The following TTN variants were observed in gnomAD, a reference collection of about 807,000 sequenced individuals.
TTN encodes connectin.
A neutral mutation model predicts 3,223.0 loss-of-function variants in TTN; 1,525 were observed. The observed-to-expected ratio is 0.47, with a 90% CI of 0.45 to 0.49. The LOEUF is 0.49. Ranked by LOEUF, TTN falls within the 20% of genes least tolerant of loss-of-function variation. The probability of loss-of-function intolerance (pLI) is 0.00; values close to 1 mark genes in which losing one functional copy is unlikely to be tolerated. For synonymous variants in TTN, 14,094 were observed against 15,161.0 expected (o/e 0.93, Z 5.17); for missense variants, 40,786 against 43,424.0 (o/e 0.94, Z 5.40).
chr2:178,646,107 T>C (rs1418460663), intron 216 of TTN, 77 bp from the exon 217 acceptor site: 51 of 85,282 alleles, frequency 6.0e-4, no homozygotes, highest in African/African-American at 2.6e-3. Context: ...ATAGAAATTA[T>C]ATATATATAT....
intron 346 of TTN, 82 bp downstream of exon 346, chr2:178,543,752 G>C: frequency 6.4e-7 from 1 of 1,551,884 alleles, no homozygotes; most frequent in Non-Finnish European, 8.7e-7. Flanking sequence ...TTCCTTTCTA[G>C]AGAGGTGATC....
rs1390279261 is a variant in TTN at position 178,612,467 on chromosome 2, G to A, written c.50058C>T (p.Tyr16686=). Residue 16686 remains tyrosine (Y), a synonymous_variant, in exon 266 of 363, where the codon TAC becomes TAT. Transcript: ENST00000589042. The part of the protein sequence containing the change: ...EKDGGSPITN[Y]IVEKRDVRRK... The stretch of plus-strand genomic sequence containing the variant: ...GCCTGACGTCTCTCTTTTCCACAAT[G>A]TAGTTGGTGATGGGGGACCCTCCAT... 3 of 1,612,342 alleles carry A rather than the reference G, an allele frequency of 1.9e-6. No individual in the cohort carries two copies. Among genetic ancestry groups the A allele is most frequent in the African/African-American group, 1.3e-5 (1 of 74,952 alleles).
At chr2:178,674,674 T>TG (rs1577249979) in intron 150 of TTN, among the ~76,000 whole-genome samples, 1 of 151,474 alleles carries the variant, frequency 6.6e-6, no homozygotes, top group Admixed American at 6.6e-5. Context: ...AACAGCCACT[T>TG]GGGGTAGAAA....
rs1060500592 is a variant in TTN, at chr2:178,542,473, C to T, written c.97283G>A (p.Gly32428Asp). ...CACATAACCACTCAGTGGAGCACCA[C>T]CGTCCAATTCAGGTGGTTCCCAGGA... ...TISWEPPELD[G>D]GAPLSGYVVE... The change falls in exon 349 of 363, where the codon GGT (glycine) becomes GAT (aspartate). Residue 32428 changes from glycine (G) to aspartate (D), a missense_variant. Coordinates refer to ENST00000589042, the MANE Select transcript of TTN (RefSeq NM_001267550.2). The T allele has an allele frequency of 2.5e-6, 4 of 1,613,518 alleles. No individual in the cohort carries two copies. The highest frequency in any genetic ancestry group is 3.4e-6 in the Non-Finnish European group (4 of 1,179,614).
In TTN at chr2:178,728,176, T is replaced by C. The variant is rs1333479032; in HGVS notation, c.19648A>G (p.Asn6550Asp). 3.7e-6 allele frequency: 6 copies of C among 1,611,956 alleles called. No individual in the cohort carries two copies. The highest frequency in any genetic ancestry group is 5.1e-6 in the Non-Finnish European group (6 of 1,178,830). Reference protein sequence around the residue: ...VNNLELEDTANYTCKVSNVAG... With the variant: ...VNNLELEDTADYTCKVSNVAG... ...ACATTTGACACTTTGCATGTGTAAT[T>C]TGCAGTATCTTCTAATTCCAGATTA... The change falls in exon 67 of 363, where the codon AAT becomes GAT. Residue 6550 changes from asparagine to aspartate, a missense_variant. Transcript: ENST00000589042.
In TTN at chr2:178,581,544, C is replaced by T; in HGVS notation, c.66724G>A (p.Asp22242Asn). The T allele has an allele frequency of 6.2e-7, 1 of 1,610,706 alleles. No homozygotes were observed. The highest frequency in any genetic ancestry group is 8.5e-7 in the Non-Finnish European group (1 of 1,177,728). Residue 22242 changes from aspartate (D) to asparagine (N), a missense_variant, in exon 316 of 363, where the codon GAC becomes AAC. Physicochemically the swap from Asp to Asn is conservative, Grantham distance 23 (BLOSUM62 1). Transcript: ENST00000589042. ...TGTTTATCTGGCACATCACTGGGGT[C>T]ACTGTATCCAATCTTATTAACGGCA... is the stretch of plus-strand genomic sequence containing the variant. ...VYAVNKIGYS[D>N]PSDVPDKHYP...
chr2:178,605,847 T>G (rs1329690045), intron 278 of TTN, 134 bp from the exon 279 acceptor site: 1 of 826,412 alleles, frequency 1.2e-6, no homozygotes, highest in Non-Finnish European at 1.6e-6. Flanking sequence ...TTAAAATCAT[T>G]CCTAAAACTT....
In TTN at chr2:178,617,347, AG is replaced by A; in HGVS notation, c.47737del (p.Val15914SerfsTer4). ...KDNWIRCNMK[L>X]VPELTYKVTG... Reference sequence around the variant, plus strand: ...TACCTTGTAAGTCAGTTCAGGGACAAGTTTCATATTGCAACGAATCCAATTA... The same window carrying A: ...TACCTTGTAAGTCAGTTCAGGGACAATTTCATATTGCAACGAATCCAATTA... On this transcript the variant is annotated frameshift_variant, in exon 254 of 363. Transcript: ENST00000589042. LOFTEE classifies it high-confidence loss of function. 1 of 1,581,428 alleles carries A rather than the reference AG, an allele frequency of 6.3e-7. No individual in the cohort carries two copies. The highest frequency in any genetic ancestry group is 2.3e-5 in the East Asian group (1 of 44,016).
At chr2:178,694,701 T>G in intron 116 of TTN, 25 bp from the exon 117 acceptor site, 2 of 1,531,718 alleles carry the variant, frequency 1.3e-6, no homozygotes, top group African/African-American at 1.4e-5. Context: ...ACAAATATAT[T>G]TGTATTTTGA....
chr2:178,574,745 T>A lies in TTN; in HGVS notation c.71387A>T (p.Glu23796Val). ...YKATRLTTGL[E>V]YQFRVKAQNR... ...CTGAGCTTTTACACGGAACTGATAC[T>A]CTAATCCAGTAGTAAGGCGGGTGGC... The change falls in exon 326 of 363, where the codon GAG becomes GTG. Residue 23796 changes from glutamate to valine, a missense_variant. Glu to Val is a moderately radical substitution (Grantham distance 121). Transcript: ENST00000589042. The A allele has an allele frequency of 6.2e-7, 1 of 1,612,898 alleles. No homozygotes were observed. The highest frequency in any genetic ancestry group is 8.5e-7 in the Non-Finnish European group (1 of 1,179,308).
Position 178,715,667 on chromosome 2 carries a change from A to G in TTN, c.25747T>C (p.Trp8583Arg). 3 of 1,612,982 alleles carry G rather than the reference A, an allele frequency of 1.9e-6. No individual in the cohort carries two copies. Among genetic ancestry groups the G allele is most frequent in the Non-Finnish European group, 2.5e-6 (3 of 1,179,406 alleles). The change falls in exon 89 of 363, where the codon TGG becomes CGG. Residue 8583 changes from tryptophan to arginine, a missense_variant. By Grantham distance (101) the Trp-to-Arg change is moderately radical (BLOSUM62 -3). Coordinates refer to ENST00000589042, the MANE Select transcript of TTN (RefSeq NM_001267550.2). ...TGAATTTCAGTCTCGTCCTTATACC[A>G]TAAAACTTTGATTTCTGGAGACCCA... ...IGGSPEIKVL[W>R]YKDETEIQES...
At chr2:178,709,492 A>T in intron 99 of TTN, 74 bp downstream of exon 99, 2 of 1,459,714 alleles carry the variant, frequency 1.4e-6, no homozygotes, top group Non-Finnish European at 1.8e-6. Context: ...TCAAGATATC[A>T]TAAGAAATGC....
chr2:178,561,963 C>T lies in TTN; in HGVS notation c.84169G>A (p.Gly28057Arg), dbSNP rs1219669291. 2 of 1,613,058 alleles carry T rather than the reference C, an allele frequency of 1.2e-6. No homozygotes were observed. Among genetic ancestry groups the T allele is most frequent in the South Asian group, 2.2e-5 (2 of 91,068 alleles). ...TCAATACGTATAGGACCTGGAGGTC[C>T]TGGTCTGTCAAGGACAATTATAGTA... Reference protein sequence around the residue: ...PITIIVLDRPGPPGPIRIDEV... With the variant: ...PITIIVLDRPRPPGPIRIDEV... Residue 28057 changes from glycine to arginine, a missense_variant, in exon 326 of 363, where the codon GGA becomes AGA. Physicochemically the swap from Gly to Arg is moderately radical, Grantham distance 125. Coordinates refer to ENST00000589042, the MANE Select transcript of TTN (RefSeq NM_001267550.2).
At position 178,553,947 on chromosome 2, in the gene TTN, G is replaced by A; in HGVS notation, c.89164C>T (p.Pro29722Ser). ...TCAGCAGCTTTGTAGAATTCAGATG[G>A]TTCAGAAAATGGACCCTGTCCAGCA... ...NAAGQGPFSE[P>S]SEFYKAADPI... The change falls in exon 333 of 363, where the codon CCA becomes TCA. Residue 29722 changes from proline to serine, a missense_variant. By Grantham distance (74) the Pro-to-Ser change is moderately conservative (BLOSUM62 -1). Transcript: ENST00000589042. 2.5e-6 allele frequency: 4 copies of A among 1,606,656 alleles called. No homozygotes were observed. The highest frequency in any genetic ancestry group is 3.4e-6 in the Non-Finnish European group (4 of 1,177,976).
rs2080448092 is a variant in TTN at position 178,731,293 on chromosome 2, T to A, written c.17461+12A>T. On this transcript the variant is annotated intron_variant, in intron 59 of 362. Transcript: ENST00000589042. ...TTCTTCCTCAAACCCAAGGCAAACG[T>A]TCTGAACCAACCTTTTACTGAGAGT... is the stretch of plus-strand genomic sequence containing the variant. 1.2e-6 allele frequency: 2 copies of A among 1,613,200 alleles called. No individual in the cohort carries two copies. Among genetic ancestry groups the A allele is most frequent in the Non-Finnish European group, 1.7e-6 (2 of 1,179,404 alleles).
In TTN at chr2:178,791,663, A is replaced by G. The variant is rs371760394; in HGVS notation, c.1662+409T>C. Among the ~76,000 whole-genome samples the G allele has an allele frequency of 7.5e-4, 111 of 147,480 alleles. 3 individuals are homozygous for G. The South Asian group carries it at 0.02, about 27-fold the overall frequency. On this transcript the variant is annotated intron_variant, in intron 10 of 362. Transcript: ENST00000589042. ...GTGTTTATGGCTGATGTATGTGTAT[A>G]TGTGTGTGTGTGTGTGTGTGTGTGT...
chr2:178,751,957 T>C, intron 47 of TTN: 1 of 1,589,794 alleles, frequency 6.3e-7, no homozygotes, highest in East Asian at 2.2e-5. Context: ...CAGCCATGGA[T>C]TTGTGGTCTA....
At position 178,775,219 on chromosome 2, in the gene TTN, G is replaced by A. The variant is rs757233090; in HGVS notation, c.6509-17C>T. On this transcript the variant is annotated splice_polypyrimidine_tract_variant and intron_variant, in intron 28 of 362. Transcript: ENST00000589042. ...ATTGCTTGGCTACAAGAAAAAGGTGGGGGAAAAAGGGGAGAGCACATTATA... is the reference window on the plus strand; with the variant it reads ...ATTGCTTGGCTACAAGAAAAAGGTGAGGGAAAAAGGGGAGAGCACATTATA... 1 of 1,613,284 alleles carries A rather than the reference G, an allele frequency of 6.2e-7. No homozygotes were observed. The highest frequency in any genetic ancestry group is 1.3e-5 in the African/African-American group (1 of 74,872).
In TTN at chr2:178,584,958, G is replaced by T. The variant is rs542156552; in HGVS notation, c.64683C>A (p.Gly21561=). The change falls in exon 310 of 363, where the codon GGC becomes GGA. Residue 21561 remains glycine, a synonymous_variant. Transcript: ENST00000589042. ...AAATGTCAAATGGAGGCTGAGGGGG[G>T]CCGGGGGCATCTACATGAACCAAGA... ...KIKVVVMDAP[G]PPQPPFDISD... The T allele has an allele frequency of 6.2e-7, 1 of 1,613,056 alleles. No homozygotes were observed. Among genetic ancestry groups the T allele is most frequent in the Non-Finnish European group, 8.5e-7 (1 of 1,179,472 alleles).
Sources: gnomAD v4.1 joint callset for allele counts (sites outside exome capture counted in the v4.1 genomes callset) on GRCh38, gnomAD v4.1.1 for gene constraint, MANE v1.5 for transcripts, NCBI Gene and HGNC (gene_info 2026-07-23, HGNC 2026-07-21) for gene names.